Variants in RALYL observed in about 807,000 individuals in gnomAD.
RALYL encodes the protein RALY RNA binding protein like.
In RALYL, 29 loss-of-function variants were observed where a neutral mutation model predicts 35.1. The observed-to-expected ratio is 0.83, with a 90% CI of 0.61 to 1.13. The LOEUF is 1.13. Ranked by LOEUF, RALYL falls within the 50% of genes most tolerant of loss-of-function variation. The pLI is 0.00. For synonymous variants in RALYL, 120 were observed against 127.6 expected, an observed-to-expected ratio of 0.94 and a Z score of 0.40; for missense variants, 359 against 360.4, an observed-to-expected ratio of 1.00 and a Z score of 0.03.
intron 4 of RALYL, among the ~76,000 whole-genome samples, chr8:84,843,125 G>A (rs1476191743): frequency 6.6e-6 from 1 of 152,128 alleles, no homozygotes; most frequent in Admixed American, 6.5e-5. Flanking sequence ...AGGGCAATCA[G>A]GCAAGAGAAG....
chr8:84,801,793 A>T (rs1032199943), intron 3 of RALYL, among the ~76,000 whole-genome samples: 1 of 152,226 alleles, frequency 6.6e-6, no homozygotes, highest in Non-Finnish European at 1.5e-5. Flanking sequence ...GTTTGTGAAG[A>T]TCTTAAAAGT....
At chr8:84,733,967 C>A (rs1404511030) in intron 2 of RALYL, among the ~76,000 whole-genome samples, 1 of 152,172 alleles carries the variant, frequency 6.6e-6, no homozygotes, top group African/African-American at 2.4e-5. Context: ...CCTATTGCTA[C>A]AAAAGGAATG....
rs547012200 is a variant in RALYL, at chr8:84,607,171, T to C, written c.256+77594T>C. ...CCAGATTTTCTTCTTCCTTCTCTTT[T>C]CCCCCCCCTTTTCTTCCTGCTTCTT... On this transcript the variant is annotated intron_variant, in intron 2 of 8. Coordinates refer to ENST00000521268, the MANE Select transcript of RALYL (RefSeq NM_173848.7). Among the ~76,000 whole-genome samples, 339 of 151,270 alleles carry C rather than the reference T, an allele frequency of 2.2e-3. 3 individuals are homozygous for C. In the East Asian group the frequency reaches 0.027, roughly 12 times the overall value.
At chr8:84,568,939 G>T (rs1450317072) in intron 2 of RALYL, among the ~76,000 whole-genome samples, 80 of 148,820 alleles carry the variant, frequency 5.4e-4, no homozygotes, top group South Asian at 1.7e-3. Flanking sequence ...TGTAGATTCT[G>T]GATATTAGCC....
At position 84,234,775 on chromosome 8, in the gene RALYL, T is replaced by TA. The variant is rs1220721914; in HGVS notation, c.-24+50351_-24+50352insA. ...AAATTTTATTTATTTATTTATTTTT[T>TA]TTTTTTTGAGATGGAGTCTCGCTCT... is the stretch of plus-strand genomic sequence containing the variant. On this transcript the variant is annotated intron_variant, in intron 1 of 8. Transcript: ENST00000521268. Among the ~76,000 whole-genome samples, 64 of 151,632 alleles carry TA rather than the reference T, an allele frequency of 4.2e-4. 1 individual carries two copies. Among genetic ancestry groups the TA allele is most frequent in the Non-Finnish European group, 6.6e-4 (45 of 67,926 alleles).
intron 1 of RALYL, among the ~76,000 whole-genome samples, chr8:84,321,056 G>A (rs1299583235): frequency 6.6e-6 from 1 of 152,004 alleles, no homozygotes; most frequent in Non-Finnish European, 1.5e-5. Flanking sequence ...CTATTTGTAT[G>A]GTAGTGAAAA....
rs542016296 is a variant in RALYL, at chr8:84,728,251, T to C, written c.257-46328T>C. Among the ~76,000 whole-genome samples, 88 of 152,228 alleles carry C rather than the reference T, an allele frequency of 5.8e-4. No homozygotes were observed. The South Asian group carries it at 0.016, about 28-fold the overall frequency. ...GATGGTGAGCATTTTTTCGTGTGTTTTTTGGCTACATAGATGTCTTCTTTT... is the reference window on the plus strand; with the variant it reads ...GATGGTGAGCATTTTTTCGTGTGTTCTTTGGCTACATAGATGTCTTCTTTT... On this transcript the variant is annotated intron_variant, in intron 2 of 8. Transcript: ENST00000521268.
chr8:84,509,229 G>C (rs986746524), intron 1 of RALYL, among the ~76,000 whole-genome samples: 3 of 151,940 alleles, frequency 2.0e-5, no homozygotes, highest in Non-Finnish European at 4.4e-5. Flanking sequence ...TAATTTGCTG[G>C]GTAGCAATTT....
chr8:84,610,277 C>T (rs1381994936), intron 2 of RALYL, among the ~76,000 whole-genome samples: 1 of 152,008 alleles, frequency 6.6e-6, no homozygotes, highest in Non-Finnish European at 1.5e-5. Flanking sequence ...GCTTGACTCC[C>T]AGACTTTCTT....
intron 1 of RALYL, among the ~76,000 whole-genome samples, chr8:84,374,333 G>C (rs1856504110): frequency 6.6e-6 from 1 of 151,868 alleles, no homozygotes; most frequent in East Asian, 1.9e-4. Context: ...GTATGATATT[G>C]TCTGTGAGTT....
At chr8:84,722,991 G>A (rs1402918543) in intron 2 of RALYL, among the ~76,000 whole-genome samples, 3 of 151,710 alleles carry the variant, frequency 2.0e-5, no homozygotes, top group Non-Finnish European at 2.9e-5. Context: ...TTCAAAAAAA[G>A]CTTGCTTCAC....
At chr8:84,577,670 T>C (rs1162102147) in intron 2 of RALYL, among the ~76,000 whole-genome samples, 1 of 152,192 alleles carries the variant, frequency 6.6e-6, no homozygotes, top group Non-Finnish European at 1.5e-5. Flanking sequence ...ACTTATTGCA[T>C]TTTGTCACTC....
At chr8:84,373,010 T>C (rs1406242042) in intron 1 of RALYL, among the ~76,000 whole-genome samples, 1 of 151,366 alleles carries the variant, frequency 6.6e-6, no homozygotes, top group African/African-American at 2.4e-5. Context: ...TTGAGCTTTT[T>C]TTCATATGCT....
At chr8:84,387,788 T>C (rs954943028) in intron 1 of RALYL, among the ~76,000 whole-genome samples, 6 of 142,888 alleles carry the variant, frequency 4.2e-5, no homozygotes, top group African/African-American at 1.1e-4. Context: ...AGGTGGTTCT[T>C]TTCTTTCTTT....
intron 1 of RALYL, among the ~76,000 whole-genome samples, chr8:84,325,780 T>C (rs369813318): frequency 1.3e-3 from 205 of 152,330 alleles, no homozygotes; most frequent in African/African-American, 4.5e-3. Flanking sequence ...CAGATAACTT[T>C]TGGTCTGTGT....
At chr8:84,379,368 A>C (rs1857506950) in intron 1 of RALYL, among the ~76,000 whole-genome samples, 1 of 151,920 alleles carries the variant, frequency 6.6e-6, no homozygotes. Flanking sequence ...TGATTGTACA[A>C]CTTCAGTCAC....
intron 4 of RALYL, among the ~76,000 whole-genome samples, chr8:84,812,766 C>T (rs1416288693): frequency 6.6e-6 from 1 of 152,140 alleles, no homozygotes; most frequent in Admixed American, 6.5e-5. Context: ...CCCACCATGC[C>T]CCCGCTAACA....
At chr8:84,290,072 A>C (rs947893636) in intron 1 of RALYL, among the ~76,000 whole-genome samples, 1 of 152,170 alleles carries the variant, frequency 6.6e-6, no homozygotes, top group African/African-American at 2.4e-5. Context: ...TTGCATAGAG[A>C]CAATCACTGC....
At chr8:84,451,834 T>A (rs1045932799) in intron 1 of RALYL, among the ~76,000 whole-genome samples, 2 of 152,158 alleles carry the variant, frequency 1.3e-5, no homozygotes, top group Admixed American at 6.6e-5. Flanking sequence ...TTGGCATTAC[T>A]TATTCCCATT....
Sources: gnomAD v4.1 joint callset for allele counts (sites outside exome capture counted in the v4.1 genomes callset) on GRCh38, gnomAD v4.1.1 for gene constraint, MANE v1.5 for transcripts, NCBI Gene and HGNC (gene_info 2026-07-23, HGNC 2026-07-21) for gene names.